ATP7B: variants seen among roughly 807,000 people sequenced by gnomAD.
The protein encoded by ATP7B is copper-transporting ATPase 2.
ATP7B carries 113 observed loss-of-function variants against 118.9 expected under a neutral mutation model. That is an observed-to-expected ratio of 0.95 (90% CI 0.82 to 1.11). ATP7B has a LOEUF of 1.11. ATP7B is among the 50% of genes most tolerant of loss of function. ATP7B has a pLI of 0.00. For synonymous variants in ATP7B, 777 were observed against 727.4 expected, an observed-to-expected ratio of 1.07 and a Z score of -1.10; for missense variants, 1,867 against 1,871.4, an observed-to-expected ratio of 1.00 and a Z score of 0.04.
intron 1 of ATP7B, 87 bp downstream of exon 1, chr13:52,011,200 T>C (rs1954016220): frequency 6.2e-7 from 1 of 1,602,584 alleles, no homozygotes; most frequent in Non-Finnish European, 8.5e-7. Context: ...GCGCACCCCC[T>C]GGGGGCGAGT....
intron 2 of ATP7B, among the ~76,000 whole-genome samples, chr13:51,973,208 T>A (rs766083845): frequency 2.6e-5 from 4 of 152,122 alleles, no homozygotes; most frequent in Non-Finnish European, 5.9e-5. Context: ...GAGAAGGTGA[T>A]AATAGTTCTC....
intron 1 of ATP7B, among the ~76,000 whole-genome samples, chr13:51,979,272 C>A (rs904154940): frequency 2.6e-5 from 4 of 152,188 alleles, no homozygotes; most frequent in Non-Finnish European, 5.9e-5. Context: ...ACAATTCTGT[C>A]ATGGTGCTAG....
chr13:51,945,166 C>A (rs746652535), intron 13 of ATP7B, among the ~76,000 whole-genome samples: 3 of 152,190 alleles, frequency 2.0e-5, no homozygotes, highest in Admixed American at 1.3e-4. Context: ...CCGGAATGAT[C>A]TTCCCAACAC....
intron 13 of ATP7B, among the ~76,000 whole-genome samples, chr13:51,945,803 G>A (rs749730789): frequency 2.0e-5 from 3 of 152,186 alleles, no homozygotes; most frequent in Non-Finnish European, 4.4e-5. Context: ...AAGTGTGGAA[G>A]GCCAGAGGTT....
chr13:51,934,820 G>A lies in ATP7B; in HGVS notation c.4334C>T (p.Ala1445Val), dbSNP rs553861183. Residue 1445 changes from alanine to valine, a missense_variant, in exon 21 of 21, where the codon GCA becomes GTA. Physicochemically the swap from Ala to Val is moderately conservative, Grantham distance 64 (BLOSUM62 0). Coordinates refer to ENST00000242839, the MANE Select transcript of ATP7B (RefSeq NM_000053.4). ...AGACCACTTGTCCCCATCATCGTCT[G>A]CTGCAGCGCTGTGCCGAGATGGCTT... Reference protein sequence around the residue: ...SDKPSRHSAAADDDGDKWSLL... With the variant: ...SDKPSRHSAAVDDDGDKWSLL... The A allele has an allele frequency of 4.0e-5, 64 of 1,614,176 alleles. No homozygotes were observed. The African/African-American group carries it at 8.1e-4, about 20-fold the overall frequency.
At chr13:51,944,416 T>A (rs1957529086) in intron 13 of ATP7B, 125 bp from the exon 14 acceptor site, 1 of 1,183,162 alleles carries the variant, frequency 8.5e-7, no homozygotes, top group Admixed American at 2.0e-5. Flanking sequence ...CACAGCTTCC[T>A]AACGTGATCC....
At chr13:52,007,994 AC>A (rs1022543291) in intron 1 of ATP7B, among the ~76,000 whole-genome samples, 12 of 151,796 alleles carry the variant, frequency 7.9e-5, no homozygotes, top group African/African-American at 2.9e-4. Flanking sequence ...GCTCTCCAAA[AC>A]CCATCATTTA....
At chr13:51,968,415 T>G (rs937540860) in intron 4 of ATP7B, 29 bp downstream of exon 4, 1 of 1,613,300 alleles carries the variant, frequency 6.2e-7, no homozygotes, top group African/African-American at 1.3e-5. Context: ...CAGAAGCCTG[T>G]AACCCCGTAA....
chr13:51,964,029 C>T (rs745801894), intron 5 of ATP7B, among the ~76,000 whole-genome samples: 7 of 151,070 alleles, frequency 4.6e-5, no homozygotes, highest in African/African-American at 7.3e-5. Flanking sequence ...CCAGCCTGGG[C>T]GACAGAATGA....
intron 1 of ATP7B, among the ~76,000 whole-genome samples, chr13:52,005,574 T>C (rs1328194472): frequency 1.3e-5 from 2 of 152,244 alleles, no homozygotes; most frequent in Admixed American, 6.5e-5. Flanking sequence ...ATTCTGATCA[T>C]GACCACTTAA....
At chr13:51,951,738 C>T (rs989625379) in intron 9 of ATP7B, among the ~76,000 whole-genome samples, 6 of 152,130 alleles carry the variant, frequency 3.9e-5, no homozygotes, top group East Asian at 3.8e-4. Flanking sequence ...CCACACCAAA[C>T]GCTGCACAAG....
chr13:51,945,165 T>A (rs1282933501), intron 13 of ATP7B, among the ~76,000 whole-genome samples: 2 of 152,164 alleles, frequency 1.3e-5, no homozygotes, highest in Admixed American at 6.5e-5. Flanking sequence ...GCCGGAATGA[T>A]CTTCCCAACA....
chr13:51,967,575 G>A (rs1234696052), intron 4 of ATP7B, among the ~76,000 whole-genome samples: 1 of 152,164 alleles, frequency 6.6e-6, no homozygotes, highest in Non-Finnish European at 1.5e-5. Context: ...CCAGACACAG[G>A]GAGGCCCTAC....
intron 3 of ATP7B, among the ~76,000 whole-genome samples, chr13:51,968,870 T>C (rs1397058088): frequency 3.4e-5 from 5 of 145,066 alleles, no homozygotes; most frequent in South Asian, 4.3e-4. Flanking sequence ...TTTCTTTTTT[T>C]TTTTTTTTTG....
At chr13:51,975,637 A>C (rs547865008) in intron 1 of ATP7B, 55 of 477,022 alleles carry the variant, frequency 1.2e-4, no homozygotes, top group African/African-American at 8.4e-4. Flanking sequence ...ACCCCAGAAT[A>C]GTCAACACCT....
chr13:51,948,166 A>G (rs1378663768), intron 12 of ATP7B, among the ~76,000 whole-genome samples: 1 of 152,198 alleles, frequency 6.6e-6, no homozygotes, highest in African/African-American at 2.4e-5. Flanking sequence ...GAGAAAATAC[A>G]TCCTAGTAAA....
At chr13:51,961,779 C>T (rs1958759398) in intron 6 of ATP7B, 58 bp downstream of exon 6, 2 of 1,540,938 alleles carry the variant, frequency 1.3e-6, no homozygotes, top group East Asian at 4.5e-5. Context: ...AGAGTTGGGC[C>T]CAGGTAGAGG....
At chr13:51,937,232 C>G in intron 19 of ATP7B, 44 bp downstream of exon 19, 1 of 1,581,202 alleles carries the variant, frequency 6.3e-7, no homozygotes, top group Non-Finnish European at 8.7e-7. Context: ...GAGACAGAAG[C>G]CTTTCTGGGC....
chr13:51,986,555 A>C (rs1952659544), intron 1 of ATP7B, among the ~76,000 whole-genome samples: 3 of 152,328 alleles, frequency 2.0e-5, no homozygotes, highest in Non-Finnish European at 2.9e-5. Flanking sequence ...CTCCTCCCTA[A>C]CTCATTTTAT....
Sources: allele counts gnomAD v4.1 joint callset (sites outside exome capture counted in the v4.1 genomes callset), GRCh38; gene constraint gnomAD v4.1.1; transcripts MANE v1.5; gene names NCBI Gene and HGNC (gene_info 2026-07-23, HGNC 2026-07-21).